DNAH10: variants seen among roughly 807,000 people sequenced by gnomAD.
The protein encoded by DNAH10 is axonemal beta dynein heavy chain 10.
In DNAH10, 348 loss-of-function variants were observed where a neutral mutation model predicts 506.6. The ratio of observed to expected loss-of-function variants is 0.69; its 90% CI spans 0.63 to 0.75. The LOEUF (loss-of-function observed/expected upper bound fraction) is 0.75, where lower values mean the gene tolerates loss of function less well. DNAH10 is among the 30% of genes least tolerant of loss of function. The probability of loss-of-function intolerance (pLI) is 0.00; values close to 1 mark genes in which losing one functional copy is unlikely to be tolerated. For synonymous variants in DNAH10, 2,059 were observed against 2,198.6 expected (o/e 0.94, Z 1.78); for missense variants, 5,179 against 5,787.1 (o/e 0.89, Z 3.41).
chr12:123,819,371 C>A, intron 23 of DNAH10, 121 bp downstream of exon 23: 1 of 734,434 alleles, frequency 1.4e-6, no homozygotes, highest in Non-Finnish European at 2.2e-6. Flanking sequence ...ATTTCTTCCT[C>A]AAATACTTTT....
chr12:123,808,631 A>G (rs1171107187), intron 18 of DNAH10, among the ~76,000 whole-genome samples, 166 bp from the exon 19 acceptor site: 1 of 152,166 alleles, frequency 6.6e-6, no homozygotes, highest in East Asian at 1.9e-4. Context: ...TTAGTGCAAA[A>G]AAAGAGTATT....
intron 2 of DNAH10, among the ~76,000 whole-genome samples, chr12:123,768,912 G>C (rs1394562982): frequency 6.6e-6 from 1 of 151,442 alleles, no homozygotes; most frequent in Non-Finnish European, 1.5e-5. Context: ...ATGACATTTT[G>C]ATTTTTTGTA....
chr12:123,909,043 C>T lies in DNAH10; in HGVS notation c.9816-218C>T, dbSNP rs529407506. Among the ~76,000 whole-genome samples, 3 of 152,166 alleles carry T rather than the reference C, an allele frequency of 2.0e-5. No homozygotes were observed. Among genetic ancestry groups the T allele is most frequent in the South Asian group, 2.1e-4 (1 of 4,820 alleles). On this transcript the variant is annotated intron_variant, in intron 57 of 78. Coordinates refer to ENST00000673944, the MANE Select transcript of DNAH10 (RefSeq NM_001372106.1). This position sits in a 1 kb window ranked among gnomAD's most constrained non-coding sequence, Gnocchi z 5.4. Reference sequence around the variant, plus strand: ...AATGCTGCCCCCGCACCATTCCAGGCGCCTGGTCTGGAACCTGAGAGGGGG... The same window carrying T: ...AATGCTGCCCCCGCACCATTCCAGGTGCCTGGTCTGGAACCTGAGAGGGGG...
At chr12:123,765,899 C>T (rs1957026447) in intron 1 of DNAH10, among the ~76,000 whole-genome samples, 1 of 150,586 alleles carries the variant, frequency 6.6e-6, no homozygotes, top group Non-Finnish European at 1.5e-5. Context: ...TACCTAATTA[C>T]CTATACATCT....
rs919597955 is a variant in DNAH10 at position 123,774,369 on chromosome 12, G to A, written c.621+105G>A. The A allele has an allele frequency of 9.3e-6, 8 of 859,878 alleles. No individual in the cohort carries two copies. In the African/African-American group the frequency reaches 1.4e-4, roughly 15 times the overall value. The allele number at this position is 859,878 out of a possible 1,614,324, so 53.3% of individuals were successfully genotyped here. The stretch of plus-strand genomic sequence containing the variant: ...GGGCAGCTCTTCTGTCTCAGGTGCT[G>A]TTATGGGCACTGAGGTGCTGAGACC... On this transcript the variant is annotated intron_variant, in intron 5 of 78. Transcript: ENST00000673944.
chr12:123,926,929 G>A lies in DNAH10; in HGVS notation c.12105+109G>A. On this transcript the variant is annotated intron_variant, in intron 69 of 78. Coordinates refer to ENST00000673944, the MANE Select transcript of DNAH10 (RefSeq NM_001372106.1). The surrounding 1 kb of genome is among the most constrained non-coding windows in gnomAD (Gnocchi z 4.1). The stretch of plus-strand genomic sequence containing the variant: ...CTGAGTGCCACGCCACAAATCAGTT[G>A]GATGCATTTCCGAGCTAAGAAGCAG... The A allele has an allele frequency of 1.6e-6, 2 of 1,250,128 alleles. No homozygotes were observed. The highest frequency in any genetic ancestry group is 2.2e-6 in the Non-Finnish European group (2 of 907,190). 77.4% of individuals were successfully genotyped at this position (1,250,128 alleles called of 1,614,324 possible).
At chr12:123,856,831 TTTAAA>T (rs1353040395) in intron 36 of DNAH10, among the ~76,000 whole-genome samples, 2 of 148,606 alleles carry the variant, frequency 1.3e-5, no homozygotes, top group African/African-American at 4.9e-5. Flanking sequence ...ATTATATAAT[TTTAAA>T]TTAATTTCTG....
chr12:123,837,162 G>A (rs1166290961), intron 28 of DNAH10, among the ~76,000 whole-genome samples: 1 of 131,246 alleles, frequency 7.6e-6, no homozygotes, highest in South Asian at 2.6e-4. Flanking sequence ...GTGAAACTCC[G>A]TCTCTACTAA....
At chr12:123,799,090 G>A (rs1249610824) in intron 13 of DNAH10, among the ~76,000 whole-genome samples, 156 bp from the exon 14 acceptor site, 2 of 140,922 alleles carry the variant, frequency 1.4e-5, no homozygotes, top group Admixed American at 7.1e-5. Context: ...GGGCGACAGA[G>A]TGAGACTCCG....
In DNAH10 at chr12:123,781,267, G is replaced by T; in HGVS notation, c.809G>T (p.Ser270Ile). Residue 270 changes from serine (S) to isoleucine (I), a missense_variant, in exon 6 of 79, where the codon AGT (serine) becomes ATT (isoleucine). Ser to Ile is a moderately radical substitution (Grantham distance 142, BLOSUM62 -2). Coordinates refer to ENST00000673944, the MANE Select transcript of DNAH10 (RefSeq NM_001372106.1). ...EFLMNVQKFA[S>I]NIQRTMQQLE... ...TTAATGAACGTGCAGAAATTTGCAA[G>T]TAATATTCAAAGAACCATGCAGCAA... 6.2e-7 allele frequency: 1 copy of T among 1,613,552 alleles called. No individual in the cohort carries two copies. Among genetic ancestry groups the T allele is most frequent in the Non-Finnish European group, 8.5e-7 (1 of 1,179,796 alleles).
intron 52 of DNAH10, among the ~76,000 whole-genome samples, chr12:123,889,716 T>G (rs1952893171): frequency 6.6e-6 from 1 of 152,190 alleles, no homozygotes; most frequent in Non-Finnish European, 1.5e-5. Context: ...ATGGCTGCTG[T>G]AGCAAATTTC....
Position 123,931,858 on chromosome 12 carries a change from C to G in DNAH10, c.13128+11C>G. 1 of 1,613,484 alleles carries G rather than the reference C, an allele frequency of 6.2e-7. No individual in the cohort carries two copies. Among genetic ancestry groups the G allele is most frequent in the Non-Finnish European group, 8.5e-7 (1 of 1,179,468 alleles). The stretch of plus-strand genomic sequence containing the variant: ...GCTGAACTTCAAAGGGTGAGCCTGT[C>G]TCTCATGTGCAGATTACTGCCTAGA... On this transcript the variant is annotated intron_variant, in intron 75 of 78. Transcript: ENST00000673944.
intron 67 of DNAH10, 56 bp downstream of exon 67, chr12:123,924,488 A>C: frequency 6.3e-7 from 1 of 1,589,876 alleles, no homozygotes; most frequent in African/African-American, 1.3e-5. Flanking sequence ...ACAATCTCCA[A>C]ACCTCAACTG....
chr12:123,862,189 A>G (rs1173774195), intron 39 of DNAH10, among the ~76,000 whole-genome samples: 1 of 152,000 alleles, frequency 6.6e-6, no homozygotes, highest in South Asian at 2.1e-4. Flanking sequence ...TTAAGGTGCC[A>G]TTTTCCTCTT....
chr12:123,764,708 T>TC (rs1956953284), intron 1 of DNAH10, among the ~76,000 whole-genome samples: 1 of 151,990 alleles, frequency 6.6e-6, no homozygotes, highest in Non-Finnish European at 1.5e-5. Context: ...AGCTCAGAAC[T>TC]CCCCCACCCC....
rs201453347 is a variant in DNAH10, at chr12:123,850,974, C to G, written c.6189C>G (p.Pro2063=). ...GCTACGCAGGCCGCACGGAGCTGCC[C>G]GAGTCGGTGAAGGCGCTGTTCAGGC... The part of the protein sequence containing the change: ...NPGYAGRTEL[P]ESVKALFRPV... The change falls in exon 35 of 79, where the codon CCC becomes CCG. Residue 2063 remains proline (P), a synonymous_variant. Transcript: ENST00000673944. This position sits in a 1 kb window ranked among gnomAD's most constrained non-coding sequence, Gnocchi z 5.5. 3 of 1,614,042 alleles carry G rather than the reference C, an allele frequency of 1.9e-6. No homozygotes were observed. Among genetic ancestry groups the G allele is most frequent in the East Asian group, 2.2e-5 (1 of 44,882 alleles).
rs752873713 is a variant in DNAH10, at chr12:123,808,946, T to C, written c.3137T>C (p.Ile1046Thr). 21 of 1,613,978 alleles carry C rather than the reference T, an allele frequency of 1.3e-5. No homozygotes were observed. In the South Asian group the frequency reaches 2.3e-4, roughly 18 times the overall value. Residue 1046 changes from isoleucine (I) to threonine (T), a missense_variant, in exon 19 of 79, where the codon ATC becomes ACC. Ile to Thr is a moderately conservative substitution (Grantham distance 89). Coordinates refer to ENST00000673944, the MANE Select transcript of DNAH10 (RefSeq NM_001372106.1). ...CATTGTGTCCGGAATTGCGTGGAGATCACCAAGGTGAGAGCGGAGGTGCTT... is the reference window on the plus strand; with the variant it reads ...CATTGTGTCCGGAATTGCGTGGAGACCACCAAGGTGAGAGCGGAGGTGCTT... ...CFHCVRNCVE[I>T]TKHFVRWMNG...
In DNAH10 at chr12:123,918,738, C is replaced by G. The variant is rs1228445289; in HGVS notation, c.11295C>G (p.Gly3765=). The G allele has an allele frequency of 6.2e-7, 1 of 1,602,670 alleles. No individual in the cohort carries two copies. Among genetic ancestry groups the G allele is most frequent in the Admixed American group, 1.7e-5 (1 of 59,544 alleles). Residue 3765 remains glycine, a synonymous_variant, in exon 65 of 79, where the codon GGC becomes GGG. Coordinates refer to ENST00000673944, the MANE Select transcript of DNAH10 (RefSeq NM_001372106.1). The part of the protein sequence containing the change: ...TALDIDRLRD[G]YRPAARRGAI... ...TGGACATCGACAGGCTGCGGGATGG[C>G]TACCGGCCAGCAGCCAGGAGGGGGG... is the stretch of plus-strand genomic sequence containing the variant.
intron 47 of DNAH10, among the ~76,000 whole-genome samples, chr12:123,877,472 C>T (rs1483373100): frequency 6.6e-6 from 1 of 152,052 alleles, no homozygotes; most frequent in African/African-American, 2.4e-5. Context: ...CCACCATGCC[C>T]AGCTAATGTT....
Sources: gnomAD v4.1 joint callset for allele counts (sites outside exome capture counted in the v4.1 genomes callset) on GRCh38, gnomAD v4.1.1 for gene constraint, Gnocchi (gnomAD v3.1) non-coding constraint, MANE v1.5 for transcripts, NCBI Gene and HGNC (gene_info 2026-07-23, HGNC 2026-07-21) for gene names.